The following DAAM1 variants were observed in gnomAD, a reference collection of about 807,000 sequenced individuals.
DAAM1 encodes disheveled-associated activator of morphogenesis 1.
A neutral mutation model predicts 130.0 loss-of-function variants in DAAM1; 52 were observed. The observed-to-expected ratio is 0.40, with a 90% CI of 0.32 to 0.50. The LOEUF (loss-of-function observed/expected upper bound fraction) is 0.50, where lower values mean the gene tolerates loss of function less well. Among genes scored for constraint, DAAM1 ranks in the 20% least tolerant of loss-of-function variants. DAAM1 has a pLI of 0.61. For missense variants in DAAM1, 1,134 were observed against 1,303.8 expected (o/e 0.87, Z 2.01); for synonymous variants, 452 against 444.5 (o/e 1.02, Z -0.21).
rs185536352 is a variant in DAAM1 at position 59,370,492 on chromosome 14, A to G, written c.*1633A>G. 9.2e-5 allele frequency: 14 copies of G among 152,256 alleles called. No individual in the cohort carries two copies. In the East Asian group the frequency reaches 2.7e-3, roughly 29 times the overall value. The allele number at this position is 152,256 out of a possible 1,614,324, so 9.4% of individuals were successfully genotyped here. On this transcript the variant is annotated 3_prime_UTR_variant, in exon 25 of 25. Coordinates refer to ENST00000360909, the MANE Select transcript of DAAM1 (RefSeq NM_001270520.2). ...ATCATACTATTTAAAAATAATTTGT[A>G]TAAACTATAATGCTTAGCACAGATG...
At chr14:59,358,681 GA>G (rs1886582167) in intron 20 of DAAM1, among the ~76,000 whole-genome samples, 1 of 151,918 alleles carries the variant, frequency 6.6e-6, no homozygotes. Context: ...TGTCTCTACT[GA>G]AAACATGAAA....
At chr14:59,359,206 T>G (rs914561725) in intron 20 of DAAM1, 191 bp from the exon 21 acceptor site, 1 of 495,020 alleles carries the variant, frequency 2.0e-6, no homozygotes, top group African/African-American at 1.9e-5. Flanking sequence ...TCTCCCATTA[T>G]TCCTGTCTCT....
At chr14:59,351,570 C>T (rs1254658531) in intron 17 of DAAM1, among the ~76,000 whole-genome samples, 1 of 152,128 alleles carries the variant, frequency 6.6e-6, no homozygotes, top group African/African-American at 2.4e-5. Flanking sequence ...GAATGTATTC[C>T]AGCCTCACAC....
intron 2 of DAAM1, among the ~76,000 whole-genome samples, chr14:59,274,794 T>C (rs770005195): frequency 2.6e-5 from 4 of 152,242 alleles, no homozygotes; most frequent in African/African-American, 7.2e-5. Flanking sequence ...ATCCACCTGC[T>C]GTCATCCTGT....
intron 4 of DAAM1, among the ~76,000 whole-genome samples, chr14:59,317,223 T>C (rs990188296): frequency 2.0e-5 from 3 of 152,226 alleles, no homozygotes; most frequent in African/African-American, 7.2e-5. Flanking sequence ...CTAATGTTCC[T>C]TTTAGGACTG....
chr14:59,364,297 A>G (rs1484441987), intron 23 of DAAM1, among the ~76,000 whole-genome samples: 1 of 151,898 alleles, frequency 6.6e-6, no homozygotes, highest in Non-Finnish European at 1.5e-5. Context: ...GCTAAAAGAG[A>G]TGCATTTTAA....
At position 59,367,579 on chromosome 14, in the gene DAAM1, CG is replaced by C; in HGVS notation, c.2978del (p.Arg993GlnfsTer18). The C allele has an allele frequency of 6.2e-7, 1 of 1,613,462 alleles. No homozygotes were observed. The highest frequency in any genetic ancestry group is 8.5e-7 in the Non-Finnish European group (1 of 1,179,718). On this transcript the variant is annotated frameshift_variant, in exon 24 of 25. Transcript: ENST00000360909. LOFTEE classifies it high-confidence loss of function. ...AAAGAAAAAGGAGGAAGAAGAACGT[CG>C]AGCTCGCATGGAAGCTCAGGTGAGA... ...MRKKKEEEER[R>X]ARMEAQLKEQ... is the part of the protein sequence containing the mutation.
intron 17 of DAAM1, among the ~76,000 whole-genome samples, chr14:59,349,776 C>CACA (rs1041376155): frequency 6.6e-6 from 1 of 152,208 alleles, no homozygotes; most frequent in Non-Finnish European, 1.5e-5. Flanking sequence ...ACTACCCACG[C>CACA]ACAGTCCTTT....
chr14:59,344,928 G>A (rs1018157879), intron 16 of DAAM1, among the ~76,000 whole-genome samples: 8 of 151,104 alleles, frequency 5.3e-5, no homozygotes, highest in Non-Finnish European at 7.4e-5. Context: ...TCTTCAACTC[G>A]GTGTGAAAAG....
At chr14:59,268,997 A>G (rs1390258214) in intron 2 of DAAM1, among the ~76,000 whole-genome samples, 2 of 152,224 alleles carry the variant, frequency 1.3e-5, no homozygotes, top group Non-Finnish European at 2.9e-5. Flanking sequence ...TTAGCAATAG[A>G]CGATTTCCCT....
intron 1 of DAAM1, among the ~76,000 whole-genome samples, chr14:59,196,537 G>A (rs1887897709): frequency 2.0e-5 from 3 of 152,138 alleles, no homozygotes; most frequent in Admixed American, 6.5e-5. Flanking sequence ...AGGTCAGGAA[G>A]TCGAGACCAT....
At chr14:59,341,015 A>G (rs1380017598) in intron 16 of DAAM1, among the ~76,000 whole-genome samples, 1 of 152,234 alleles carries the variant, frequency 6.6e-6, no homozygotes, top group Non-Finnish European at 1.5e-5. Flanking sequence ...TTCAGGGACT[A>G]TGAAGAGAGG....
At chr14:59,347,465 G>GAAA in intron 16 of DAAM1, 74 bp from the exon 17 acceptor site, 1 of 1,363,264 alleles carries the variant, frequency 7.3e-7, no homozygotes, top group Non-Finnish European at 1.0e-6. Context: ...TCAGCAGCTG[G>GAAA]GGTAGCAAAG....
intron 1 of DAAM1, among the ~76,000 whole-genome samples, chr14:59,258,182 A>G (rs1881996807): frequency 6.6e-6 from 1 of 152,204 alleles, no homozygotes; most frequent in Non-Finnish European, 1.5e-5. Flanking sequence ...TTACTTGATA[A>G]ACATTTGACT....
chr14:59,225,389 C>G (rs1888910698), intron 1 of DAAM1, among the ~76,000 whole-genome samples: 1 of 152,162 alleles, frequency 6.6e-6, no homozygotes, highest in South Asian at 2.1e-4. Context: ...CCTTAATTGC[C>G]TAAGACTATG....
At chr14:59,345,423 G>C (rs1004205848) in intron 16 of DAAM1, among the ~76,000 whole-genome samples, 1 of 152,202 alleles carries the variant, frequency 6.6e-6, no homozygotes, top group Non-Finnish European at 1.5e-5. Context: ...ATTTTGTCTA[G>C]ATGCTTTATT....
chr14:59,193,455 G>A (rs1270259061), intron 1 of DAAM1, among the ~76,000 whole-genome samples: 2 of 152,090 alleles, frequency 1.3e-5, no homozygotes, highest in East Asian at 3.8e-4. Flanking sequence ...GAAATAAAAG[G>A]TTACCTTTTA....
intron 2 of DAAM1, among the ~76,000 whole-genome samples, chr14:59,281,893 A>G (rs1295123972): frequency 6.6e-6 from 1 of 152,036 alleles, no homozygotes; most frequent in African/African-American, 2.4e-5. Context: ...TAGGGATCTT[A>G]TTATTATTAT....
At chr14:59,315,244 T>C (rs540408972) in intron 3 of DAAM1, 36 bp from the exon 4 acceptor site, 1 of 1,596,234 alleles carries the variant, frequency 6.3e-7, no homozygotes, top group East Asian at 2.2e-5. Context: ...TGTGTATATG[T>C]TGGGTGGTAT....
Sources: allele counts gnomAD v4.1 joint callset (sites outside exome capture counted in the v4.1 genomes callset), GRCh38; gene constraint gnomAD v4.1.1; transcripts MANE v1.5; gene names NCBI Gene and HGNC (gene_info 2026-07-23, HGNC 2026-07-21).